Variants in MAP7D3 observed in about 807,000 individuals in gnomAD.
The protein encoded by MAP7D3 is MAP7 domain-containing protein 3.
A neutral mutation model predicts 62.2 loss-of-function variants in MAP7D3; 45 were observed. That is an observed-to-expected ratio of 0.72 (90% confidence interval 0.57 to 0.93). MAP7D3 has a LOEUF of 0.93. Ranked by LOEUF, MAP7D3 falls within the 40% of genes least tolerant of loss-of-function variation. The pLI, the probability that MAP7D3 is intolerant of heterozygous loss-of-function variation, is 0.00. For missense variants in MAP7D3, 711 were observed against 683.1 expected (o/e 1.04, Z -0.45); for synonymous variants, 288 against 248.8 (o/e 1.16, Z -1.48).
chrX:136,249,363 G>C (rs1339155013), intron 1 of MAP7D3, among the ~76,000 whole-genome samples: 2 of 112,494 alleles, frequency 1.8e-5, no homozygotes, highest in African/African-American at 3.2e-5. Flanking sequence ...AGAAGGGAAA[G>C]GTGATACGTC....
At chrX:136,247,884 T>C (rs1360722556) in intron 1 of MAP7D3, among the ~76,000 whole-genome samples, 1 of 112,067 alleles carries the variant, frequency 8.9e-6, no homozygotes, top group Non-Finnish European at 1.9e-5. Context: ...CCAAGGATAG[T>C]CCGTATTTGA....
chrX:136,227,162 T>TA (rs1569531677), intron 12 of MAP7D3, 122 bp downstream of exon 12: 4 of 519,650 alleles, frequency 7.7e-6, no homozygotes, highest in Non-Finnish European at 1.2e-5. Flanking sequence ...AAATAAAAAA[T>TA]AAAATGCAGC....
At chrX:136,228,352 G>C (rs766932490) in intron 11 of MAP7D3, among the ~76,000 whole-genome samples, 2 of 112,051 alleles carry the variant, frequency 1.8e-5, no homozygotes, top group South Asian at 7.5e-4. Context: ...CTGAATGTGA[G>C]TTTGGTCTCT....
intron 5 of MAP7D3, 21 bp downstream of exon 5, chrX:136,241,138 AT>A (rs773949826): frequency 1.1e-6 from 1 of 882,653 alleles, no homozygotes; most frequent in South Asian, 2.1e-5. Flanking sequence ...CAAACTTAAA[AT>A]TTAATGGGTG....
chrX:136,220,775 C>T lies in MAP7D3; in HGVS notation c.2476G>A (p.Val826Ile). 1 of 1,208,517 alleles carries T rather than the reference C, an allele frequency of 8.3e-7. No homozygotes were observed. Among genetic ancestry groups the T allele is most frequent in the Non-Finnish European group, 1.1e-6 (1 of 892,660 alleles). Residue 826 changes from valine to isoleucine, a missense_variant, in exon 16 of 19, where the codon GTA becomes ATA. Transcript: ENST00000316077. The stretch of plus-strand genomic sequence containing the variant: ...GGCTAAGTGACTCACCTTGAAACTA[C>T]TTCCTGTATTGAAGTGTCTTTCATG... Reference protein sequence around the residue: ...KSMKDTSIQEVVSRPSSKRMT... With the variant: ...KSMKDTSIQEIVSRPSSKRMT...
Position 136,231,615 on chromosome X carries a change from C to A in MAP7D3, c.1342G>T (p.Ala448Ser), listed in dbSNP as rs1306839277. ...GCTTCAAGGGATGTCTTGGGGGATG[C>A]TTTCACCATCGCCTCAGGAGATGCC... ...MEASPEAMVK[A>S]SPKTSLEASM... Residue 448 changes from alanine (A) to serine (S), a missense_variant, in exon 8 of 19, where the codon GCA (alanine) becomes TCA (serine). Ala to Ser is a moderately conservative substitution (Grantham distance 99). Coordinates refer to ENST00000316077, the MANE Select transcript of MAP7D3 (RefSeq NM_024597.4). 6 of 1,209,000 alleles carry A rather than the reference C, an allele frequency of 5.0e-6. No individual in the cohort carries two copies.
intron 16 of MAP7D3, among the ~76,000 whole-genome samples, chrX:136,220,329 G>A (rs1257147393): frequency 8.9e-6 from 1 of 112,173 alleles, no homozygotes; most frequent in Admixed American, 9.4e-5. Context: ...ATAATAAAAT[G>A]AGGATATTAC....
chrX:136,228,053 C>T (rs990670696), intron 11 of MAP7D3, among the ~76,000 whole-genome samples: 2 of 111,237 alleles, frequency 1.8e-5, no homozygotes, highest in East Asian at 2.8e-4. Flanking sequence ...TTATAAGGCC[C>T]GACATAAAAT....
intron 16 of MAP7D3, among the ~76,000 whole-genome samples, chrX:136,219,940 T>C (rs2074104185): frequency 9.0e-6 from 1 of 111,057 alleles, no homozygotes; most frequent in Non-Finnish European, 1.9e-5. Context: ...GCCCCTCCCT[T>C]ACATTGGTCA....
At chrX:136,245,131 T>C (rs1362107622) in intron 3 of MAP7D3, among the ~76,000 whole-genome samples, 1 of 112,451 alleles carries the variant, frequency 8.9e-6, no homozygotes, top group East Asian at 2.8e-4. Flanking sequence ...ACCATATTAA[T>C]ATGCTGTACA....
At chrX:136,228,958 T>C (rs1387754675) in intron 10 of MAP7D3, 200 bp from the exon 11 acceptor site, 5 of 266,971 alleles carry the variant, frequency 1.9e-5, no homozygotes, top group Non-Finnish European at 3.2e-5. Flanking sequence ...GCATTTTGTT[T>C]CTTTTTAACA....
At chrX:136,233,635 T>TAAAAA (rs151267120) in intron 7 of MAP7D3, among the ~76,000 whole-genome samples, 29 of 30,594 alleles carry the variant, frequency 9.5e-4, no homozygotes, top group African/African-American at 1.8e-3. Context: ...TAAATTAAAC[T>TAAAAA]AAAAAAAAAA....
intron 13 of MAP7D3, 45 bp downstream of exon 13, chrX:136,225,864 T>C (rs1268938507): frequency 4.6e-6 from 4 of 869,315 alleles, no homozygotes; most frequent in Non-Finnish European, 6.6e-6. Flanking sequence ...TGCCCAACAT[T>C]GTTTTAAACA....
upstream of MAP7D3, chrX:136,251,568 A>G: frequency 1.2e-6 from 1 of 823,821 alleles, no homozygotes. Context: ...CTGGGCAGCG[A>G]CTACCTGGTC....
At chrX:136,235,793 A>G (rs2074323801) in intron 7 of MAP7D3, among the ~76,000 whole-genome samples, 1 of 112,481 alleles carries the variant, frequency 8.9e-6, no homozygotes, top group African/African-American at 3.2e-5. Context: ...CTTTATGTAA[A>G]GAAGTACTTT....
In MAP7D3 at chrX:136,218,056, A is replaced by G. The variant is rs2074080594; in HGVS notation, c.*470T>C. ...GGCGACAGGGCAAGACTCCGTCTCA[A>G]AAAAAAAAAAAAGAAAAAGAAAAAG... On this transcript the variant is annotated 3_prime_UTR_variant, in exon 19 of 19. Coordinates refer to ENST00000316077, the MANE Select transcript of MAP7D3 (RefSeq NM_024597.4). 1 of 106,832 alleles carries G rather than the reference A, an allele frequency of 9.4e-6. No homozygotes were observed. The highest frequency in any genetic ancestry group is 1.9e-5 in the Non-Finnish European group (1 of 51,476). The allele number at this position is 106,832 out of a possible 1,213,427, so 8.8% of individuals were successfully genotyped here. A position where few individuals can be genotyped will look rare whatever the true frequency, so the allele number is the denominator to read the frequency against.
At chrX:136,251,477 G>GCGGGGCCCGAAGGGCCA, upstream of MAP7D3, 2 of 788,419 alleles carry the variant, frequency 2.5e-6, no homozygotes, top group Non-Finnish European at 3.1e-6. Context: ...GCGGGGCGGG[G>GCGGGGCCCGAAGGGCCA]CGGGGCCCGA....
At chrX:136,225,539 G>A (rs2074184807) in intron 13 of MAP7D3, among the ~76,000 whole-genome samples, 1 of 112,079 alleles carries the variant, frequency 8.9e-6, no homozygotes, top group African/African-American at 3.2e-5. Flanking sequence ...GAGGCCTACA[G>A]TTTGTGCTTC....
upstream of MAP7D3, chrX:136,256,306 C>G (rs534933160): frequency 8.7e-7 from 1 of 1,153,321 alleles, no homozygotes; most frequent in African/African-American, 1.8e-5. Flanking sequence ...AGACTTACCT[C>G]GGGGGCTGGT....
Sources: gnomAD v4.1 joint callset for allele counts (sites outside exome capture counted in the v4.1 genomes callset) on GRCh38, gnomAD v4.1.1 for gene constraint, MANE v1.5 for transcripts, NCBI Gene and HGNC (gene_info 2026-07-23, HGNC 2026-07-21) for gene names.